OGFOD3: variants seen among roughly 807,000 people sequenced by gnomAD.
OGFOD3 encodes 2-oxoglutarate and iron-dependent oxygenase domain-containing protein 3.
Under a neutral mutation model 39.8 loss-of-function variants are expected in OGFOD3, and 35 were observed. The ratio of observed to expected loss-of-function variants is 0.88; its 90% CI spans 0.67 to 1.17. The LOEUF (loss-of-function observed/expected upper bound fraction) is 1.17, where lower values mean the gene tolerates loss of function less well. Ranked by LOEUF, OGFOD3 falls within the 50% of genes most tolerant of loss-of-function variation. The pLI is 0.00. For missense variants in OGFOD3, 438 were observed against 454.5 expected (o/e 0.96, Z 0.33); for synonymous variants, 200 against 192.0 (o/e 1.04, Z -0.34).
intron 3 of OGFOD3, among the ~76,000 whole-genome samples, 176 bp from the exon 4 acceptor site, chr17:82,409,586 C>T (rs538930896): frequency 1.3e-5 from 2 of 152,318 alleles, no homozygotes; most frequent in Admixed American, 6.5e-5. Flanking sequence ...AGTGCGTAAG[C>T]GACAATACTG....
chr17:82,397,883 A>C (rs1318332141), intron 8 of OGFOD3, among the ~76,000 whole-genome samples: 1 of 152,010 alleles, frequency 6.6e-6, no homozygotes, highest in Non-Finnish European at 1.5e-5. Flanking sequence ...TCCAGAGGGG[A>C]GGGAGGGAGA....
Position 82,406,560 on chromosome 17 carries a change from G to A in OGFOD3, c.424-78C>T, listed in dbSNP as rs764354094. ...GTTAAAAGTCATGGATGGTAAATGCGAGTTTCCAAGGTCTGGCCAGCACAC... is the reference window on the plus strand; with the variant it reads ...GTTAAAAGTCATGGATGGTAAATGCAAGTTTCCAAGGTCTGGCCAGCACAC... On this transcript the variant is annotated intron_variant, in intron 4 of 8. Coordinates refer to ENST00000313056, the MANE Select transcript of OGFOD3 (RefSeq NM_024648.3). The surrounding 1 kb of genome is among the most constrained non-coding windows in gnomAD (Gnocchi z 5.2). 71 of 1,244,286 alleles carry A rather than the reference G, an allele frequency of 5.7e-5. No individual in the cohort carries two copies. Among genetic ancestry groups the A allele is most frequent in the Admixed American group, 2.2e-4 (13 of 57,886 alleles). The allele number at this position is 1,244,286 out of a possible 1,614,324, so 77.1% of individuals were successfully genotyped here.
rs1599712930 is a variant in OGFOD3, at chr17:82,418,586, T to C, written c.-101A>G. Reference sequence around the variant, plus strand: ...GGCAGGCACGGCGCAGGGACGCGAGTGCGACGCGCTCGGCCATCGGCCCCT... The same window carrying C: ...GGCAGGCACGGCGCAGGGACGCGAGCGCGACGCGCTCGGCCATCGGCCCCT... On this transcript the variant is annotated 5_prime_UTR_variant, in exon 1 of 9. Transcript: ENST00000313056. 5.7e-6 allele frequency: 3 copies of C among 522,958 alleles called. No homozygotes were observed. Among genetic ancestry groups the C allele is most frequent in the Non-Finnish European group, 8.5e-6 (3 of 354,884 alleles). The allele number at this position is 522,958 out of a possible 1,614,324, so 32.4% of individuals were successfully genotyped here. A position where few individuals can be genotyped will look rare whatever the true frequency, so the allele number is the denominator to read the frequency against.
rs1056821651 is a variant in OGFOD3 at position 82,404,501 on chromosome 17, G to T, written c.546-411C>A. Among the ~76,000 whole-genome samples, 1 of 152,152 alleles carries T rather than the reference G, an allele frequency of 6.6e-6. No individual in the cohort carries two copies. The highest frequency in any genetic ancestry group is 1.5e-5 in the Non-Finnish European group (1 of 68,016). On this transcript the variant is annotated intron_variant, in intron 6 of 8. Transcript: ENST00000313056. This position sits in a 1 kb window ranked among gnomAD's most constrained non-coding sequence, Gnocchi z 4.5. ...GGTGTGTGGACGTGGGGAGAGGGGA[G>T]TGGGTGTCGAGCCTGCTAAGTGTGG...
chr17:82,394,999 C>T (rs1010541355), intron 8 of OGFOD3, among the ~76,000 whole-genome samples: 12 of 152,346 alleles, frequency 7.9e-5, no homozygotes, highest in African/African-American at 9.6e-5. Context: ...ACCTGCCCCA[C>T]GGCCTCTCCC....
intron 2 of OGFOD3, among the ~76,000 whole-genome samples, chr17:82,412,113 A>G (rs1299420331): frequency 6.7e-6 from 1 of 150,106 alleles, no homozygotes; most frequent in Admixed American, 6.7e-5. Flanking sequence ...ACTGGAGCAG[A>G]AAACCCTCCT....
intron 8 of OGFOD3, among the ~76,000 whole-genome samples, chr17:82,395,539 C>T (rs557513292): frequency 4.9e-4 from 75 of 152,200 alleles, no homozygotes; most frequent in Middle Eastern, 3.4e-3. Context: ...AACTGCGACA[C>T]GGCCGGGCGT....
At chr17:82,410,150 G>A (rs1052716225) in intron 3 of OGFOD3, among the ~76,000 whole-genome samples, 2 of 152,218 alleles carry the variant, frequency 1.3e-5, no homozygotes, top group Admixed American at 6.5e-5. Context: ...GACCACAGAG[G>A]ACCACCCTGA....
intron 7 of OGFOD3, 144 bp from the exon 8 acceptor site, chr17:82,398,463 G>A (rs889094194): frequency 1.1e-5 from 11 of 963,316 alleles, no homozygotes; most frequent in Non-Finnish European, 1.5e-5. Flanking sequence ...GCAGTGATGC[G>A]ATCTCGGCTC....
Position 82,389,225 on chromosome 17 carries a change from C to A in OGFOD3, c.*3173G>T, listed in dbSNP as rs978713524. On this transcript the variant is annotated 3_prime_UTR_variant, in exon 9 of 9. Coordinates refer to ENST00000313056, the MANE Select transcript of OGFOD3 (RefSeq NM_024648.3). The surrounding 1 kb of genome is among the most constrained non-coding windows in gnomAD (Gnocchi z 4.6). ...ACAGCAGGACTCGCCCTCCTAGATTCTTTATTTTGAAAGGAATAATCATCT... is the reference window on the plus strand; with the variant it reads ...ACAGCAGGACTCGCCCTCCTAGATTATTTATTTTGAAAGGAATAATCATCT... 1.3e-5 allele frequency: 2 copies of A among 152,198 alleles called. No individual in the cohort carries two copies. The highest frequency in any genetic ancestry group is 4.8e-5 in the African/African-American group (2 of 41,462). 9.4% of individuals were successfully genotyped at this position (152,198 alleles called of 1,614,324 possible).
At chr17:82,412,969 G>C (rs994156607) in intron 2 of OGFOD3, among the ~76,000 whole-genome samples, 4 of 152,198 alleles carry the variant, frequency 2.6e-5, no homozygotes, top group African/African-American at 9.6e-5. Flanking sequence ...CTTGGACCCA[G>C]GGATCACAAG....
chr17:82,414,085 T>G (rs893721911), intron 2 of OGFOD3, among the ~76,000 whole-genome samples: 4 of 152,024 alleles, frequency 2.6e-5, no homozygotes, highest in Non-Finnish European at 5.9e-5. Flanking sequence ...AAATCCCAAA[T>G]CTATTAAACA....
chr17:82,405,196 A>G lies in OGFOD3; in HGVS notation c.545+128T>C. ...CCCGGCCTTTGCTCCATGAGAACTC[A>G]CTTCTGCAGGCCTGGCCCTGGCCCC... On this transcript the variant is annotated intron_variant, in intron 6 of 8. Coordinates refer to ENST00000313056, the MANE Select transcript of OGFOD3 (RefSeq NM_024648.3). 4.0e-6 allele frequency: 3 copies of G among 758,598 alleles called. No homozygotes were observed. In the South Asian group the frequency reaches 5.0e-5, roughly 13 times the overall value. The allele number at this position is 758,598 out of a possible 1,614,324, so 47.0% of individuals were successfully genotyped here. A position where few individuals can be genotyped will look rare whatever the true frequency, so the allele number is the denominator to read the frequency against.
chr17:82,402,916 C>T (rs377592406), intron 7 of OGFOD3, among the ~76,000 whole-genome samples: 489 of 152,186 alleles, frequency 3.2e-3, no homozygotes, highest in African/African-American at 0.01. Context: ...AGCCAGGCGT[C>T]GGGGCACGCA....
At chr17:82,412,924 G>A (rs1185293951) in intron 2 of OGFOD3, among the ~76,000 whole-genome samples, 1 of 152,150 alleles carries the variant, frequency 6.6e-6, no homozygotes, top group Non-Finnish European at 1.5e-5. Context: ...GGGAATAAAA[G>A]CCTCGCACTC....
chr17:82,412,537 T>TG (rs112019566), intron 2 of OGFOD3, among the ~76,000 whole-genome samples: 1,417 of 98,516 alleles, frequency 0.014, 198 homozygotes, highest in African/African-American at 0.021. Context: ...TCAGGGTCAT[T>TG]GGGCAGAGGA....
At chr17:82,394,652 G>T in intron 8 of OGFOD3, 1 of 793,612 alleles carries the variant, frequency 1.3e-6, no homozygotes, top group East Asian at 2.8e-5. Context: ...CCGGCTCCCA[G>T]GGGGGACCTC....
At chr17:82,398,853 G>A (rs1176325985) in intron 7 of OGFOD3, among the ~76,000 whole-genome samples, 2 of 148,014 alleles carry the variant, frequency 1.4e-5, no homozygotes, top group African/African-American at 2.5e-5. Flanking sequence ...GACCACAGGC[G>A]CACGACACTA....
intron 7 of OGFOD3, among the ~76,000 whole-genome samples, chr17:82,402,440 A>AAAAG (rs545909421): frequency 6.6e-5 from 10 of 151,248 alleles, no homozygotes; most frequent in South Asian, 2.1e-4. Context: ...CTCAAAAAAA[A>AAAAG]AAAGAAAGAA....
Sources: gnomAD v4.1 joint callset for allele counts (sites outside exome capture counted in the v4.1 genomes callset) on GRCh38, gnomAD v4.1.1 for gene constraint, Gnocchi (gnomAD v3.1) non-coding constraint, MANE v1.5 for transcripts, NCBI Gene and HGNC (gene_info 2026-07-23, HGNC 2026-07-21) for gene names.